SPEN: variants seen among roughly 807,000 people sequenced by gnomAD.
SPEN encodes the protein msx2-interacting protein.
Under a neutral mutation model 269.9 loss-of-function variants are expected in SPEN, and 18 were observed. That is an observed-to-expected ratio of 0.07 (90% CI 0.05 to 0.10). SPEN has a LOEUF of 0.10. Among genes scored for constraint, SPEN ranks in the 10% least tolerant of loss-of-function variants. SPEN has a pLI of 1.00. For synonymous variants in SPEN, 1,726 were observed against 1,765.7 expected (o/e 0.98, Z 0.56); for missense variants, 3,822 against 4,631.2 (o/e 0.83, Z 5.07).
Position 15,916,969 on chromosome 1 carries a change from A to G in SPEN, c.1395+690A>G, listed in dbSNP as rs575524027. Among the ~76,000 whole-genome samples the G allele has an allele frequency of 9.2e-5, 14 of 152,298 alleles. 1 individual carries two copies. The East Asian group carries it at 2.7e-3, about 29-fold the overall frequency. On this transcript the variant is annotated intron_variant, in intron 6 of 14. Coordinates refer to ENST00000375759, the MANE Select transcript of SPEN (RefSeq NM_015001.3). Reference sequence around the variant, plus strand: ...ATGGTGAAACCCTGTCTCTATAAAAATACAAAAATTAGCTGGGCGTTGGTG... The same window carrying G: ...ATGGTGAAACCCTGTCTCTATAAAAGTACAAAAATTAGCTGGGCGTTGGTG...
chr1:15,849,615 C>A (rs530918766), intron 1 of SPEN, among the ~76,000 whole-genome samples: 1 of 139,876 alleles, frequency 7.1e-6, no homozygotes, highest in East Asian at 2.1e-4. Flanking sequence ...AGAAACCAGG[C>A]GGGGGCGGGG....
chr1:15,903,661 G>T (rs1418042076), intron 3 of SPEN, among the ~76,000 whole-genome samples: 1 of 151,888 alleles, frequency 6.6e-6, no homozygotes, highest in African/African-American at 2.4e-5. Context: ...GCCTCAAATT[G>T]TTGTTGTTTA....
intron 2 of SPEN, chr1:15,874,070 C>T: frequency 7.6e-7 from 1 of 1,317,672 alleles, no homozygotes; most frequent in East Asian, 4.6e-5. Context: ...AGGATATTTC[C>T]TCTTCTGCCA....
intron 3 of SPEN, among the ~76,000 whole-genome samples, chr1:15,896,906 T>G (rs1272473084): frequency 6.6e-6 from 1 of 152,142 alleles, no homozygotes; most frequent in African/African-American, 2.4e-5. Context: ...AGGTTGAGGC[T>G]GCAGTGAGCC....
chr1:15,927,833 G>A (rs907597147), intron 10 of SPEN, among the ~76,000 whole-genome samples: 46 of 152,132 alleles, frequency 3.0e-4, no homozygotes, highest in African/African-American at 1.1e-3. Context: ...CATATAATCA[G>A]TCTAAATTGT....
At chr1:15,881,379 GT>G (rs1268697058) in intron 3 of SPEN, among the ~76,000 whole-genome samples, 1 of 152,146 alleles carries the variant, frequency 6.6e-6, no homozygotes, top group Non-Finnish European at 1.5e-5. Context: ...CATAATCTCT[GT>G]TTTTCCTACT....
rs912561794 is a variant in SPEN, at chr1:15,896,174, G to C, written c.882-13147G>C. Among the ~76,000 whole-genome samples the C allele has an allele frequency of 6.1e-5, 7 of 115,328 alleles. No individual in the cohort carries two copies. The South Asian group carries it at 9.6e-4, about 16-fold the overall frequency. The allele number at this position is 115,328 out of a possible 152,430, so 75.7% of individuals were successfully genotyped here. A position where few individuals can be genotyped will look rare whatever the true frequency, so the allele number is the denominator to read the frequency against. On this transcript the variant is annotated intron_variant, in intron 3 of 14. Transcript: ENST00000375759. The stretch of plus-strand genomic sequence containing the variant: ...ATAAAACTGATTAATTATTGTGTTT[G>C]ATTTTACCATCACTTTTTTTTTTTT...
intron 3 of SPEN, among the ~76,000 whole-genome samples, chr1:15,899,564 AAG>A (rs2070880247): frequency 2.7e-5 from 1 of 37,360 alleles, no homozygotes; most frequent in Non-Finnish European, 6.7e-5. Context: ...TTTTTTTTTT[AAG>A]ATCCTGTGTT....
rs1227340996 is a variant in SPEN at position 15,937,207 on chromosome 1, G to A, written c.10071G>A (p.Val3357=). The A allele has an allele frequency of 6.2e-7, 1 of 1,613,566 alleles. No homozygotes were observed. The highest frequency in any genetic ancestry group is 1.3e-5 in the African/African-American group (1 of 74,902). Residue 3357 remains valine, a synonymous_variant, in exon 12 of 15, where the codon GTG becomes GTA. Transcript: ENST00000375759. The surrounding 1 kb of genome is among the most constrained non-coding windows in gnomAD (Gnocchi z 5.7). ...EGEPLQPPQP[V]QSTQPAQPAP... is the part of the protein sequence containing the mutation. ...AGCCCCTGCAGCCTCCTCAGCCTGT[G>A]CAGTCCACACAGCCTGCCCAGCCTG...
chr1:15,849,320 G>A (rs1557730207), intron 1 of SPEN, among the ~76,000 whole-genome samples: 1 of 152,230 alleles, frequency 6.6e-6, no homozygotes, highest in Non-Finnish European at 1.5e-5. Flanking sequence ...GAGTCACCAT[G>A]GGAAAAATAG....
At chr1:15,867,469 G>T (rs2070526030) in intron 1 of SPEN, among the ~76,000 whole-genome samples, 1 of 152,088 alleles carries the variant, frequency 6.6e-6, no homozygotes, top group African/African-American at 2.4e-5. Context: ...CAGTGCTGGG[G>T]TTATAGGCCT....
Position 15,939,034 on chromosome 1 carries a change from A to G in SPEN, c.10863+158A>G, listed in dbSNP as rs1159393999. On this transcript the variant is annotated intron_variant, in intron 14 of 14. Transcript: ENST00000375759. The surrounding 1 kb of genome is among the most constrained non-coding windows in gnomAD (Gnocchi z 4.1). Reference sequence around the variant, plus strand: ...AGTAGAGCACATGGGGCGGGGCGCCATCACCCATCCTGAAGAGAACCCAGG... The same window carrying G: ...AGTAGAGCACATGGGGCGGGGCGCCGTCACCCATCCTGAAGAGAACCCAGG... Among the ~76,000 whole-genome samples, 4 of 152,198 alleles carry G rather than the reference A, an allele frequency of 2.6e-5. No homozygotes were observed. The highest frequency in any genetic ancestry group is 5.9e-5 in the Non-Finnish European group (4 of 68,036).
At chr1:15,909,235 C>T in intron 3 of SPEN, 86 bp from the exon 4 acceptor site, 1 of 1,426,442 alleles carries the variant, frequency 7.0e-7, no homozygotes, top group Non-Finnish European at 9.6e-7. Context: ...AAATTTAGAC[C>T]TATTAGTTAT....
At chr1:15,891,269 C>G (rs1340639589) in intron 3 of SPEN, among the ~76,000 whole-genome samples, 2 of 152,022 alleles carry the variant, frequency 1.3e-5, no homozygotes, top group African/African-American at 4.8e-5. Context: ...TCACTGCAAC[C>G]TTGAACTCCT....
At chr1:15,879,924 C>T (rs1353271716) in intron 3 of SPEN, among the ~76,000 whole-genome samples, 1 of 152,152 alleles carries the variant, frequency 6.6e-6, no homozygotes, top group Non-Finnish European at 1.5e-5. Context: ...CCCGCCTCGA[C>T]CTCCCAAAGT....
chr1:15,849,569 C>A (rs1333988729), intron 1 of SPEN, among the ~76,000 whole-genome samples: 1 of 151,800 alleles, frequency 6.6e-6, no homozygotes, highest in Non-Finnish European at 1.5e-5. Context: ...GTGCGCGCTT[C>A]CAGGGACTCT....
At position 15,933,709 on chromosome 1, in the gene SPEN, C is replaced by T. The variant is rs747610148; in HGVS notation, c.7469C>T (p.Pro2490Leu). The T allele has an allele frequency of 1.2e-6, 2 of 1,614,130 alleles. No homozygotes were observed. The highest frequency in any genetic ancestry group is 1.7e-6 in the Non-Finnish European group (2 of 1,179,998). ...LSPPVASGGI[P>L]HQSPPTKVTE... ...CCTCCTGTCGCCTCTGGGGGGATCC[C>T]ACACCAGAGCCCCCCTACTAAGGTG... The change falls in exon 11 of 15, where the codon CCA (proline) becomes CTA (leucine). Residue 2490 changes from proline to leucine, a missense_variant. Physicochemically the swap from Pro to Leu is moderately conservative, Grantham distance 98. Around this residue, in one of 16 missense-constraint regions of SPEN, gnomAD observed 727 missense variants for 737.9 expected, o/e 0.99. Transcript: ENST00000375759. The surrounding 1 kb of genome is among the most constrained non-coding windows in gnomAD (Gnocchi z 5.7).
rs768810430 is a variant in SPEN, at chr1:15,931,165, T to C, written c.4925T>C (p.Val1642Ala). The C allele has an allele frequency of 6.2e-7, 1 of 1,614,126 alleles. No homozygotes were observed. Among genetic ancestry groups the C allele is most frequent in the East Asian group, 2.2e-5 (1 of 44,878 alleles). The change falls in exon 11 of 15, where the codon GTC becomes GCC. Residue 1642 changes from valine to alanine, a missense_variant. Transcript: ENST00000375759. The surrounding 1 kb of genome is among the most constrained non-coding windows in gnomAD (Gnocchi z 4.8). ...CCACCTTCCGTTGGGCCTCCAAGTG[T>C]CACAGTCGTAACTCTAGAATCAGCC... ...KTPPSVGPPSVTVVTLESAPS... is the reference protein window; with the variant it reads ...KTPPSVGPPSATVVTLESAPS...
At chr1:15,851,524 C>A (rs1355462997) in intron 1 of SPEN, among the ~76,000 whole-genome samples, 1 of 152,092 alleles carries the variant, frequency 6.6e-6, no homozygotes, top group Non-Finnish European at 1.5e-5. Context: ...AAAGGCGACT[C>A]CTTGAATTAG....
Sources: gnomAD v4.1 joint callset for allele counts (sites outside exome capture counted in the v4.1 genomes callset) on GRCh38, gnomAD v4.1.1 for gene constraint, gnomAD v4.1.1 regional missense constraint, Gnocchi (gnomAD v3.1) non-coding constraint, MANE v1.5 for transcripts, NCBI Gene and HGNC (gene_info 2026-07-23, HGNC 2026-07-21) for gene names.